LYRM4: variants seen among roughly 807,000 people sequenced by gnomAD.
LYRM4 encodes the protein LYR motif containing 4.
LYRM4 carries 9 observed loss-of-function variants against 11.7 expected under a neutral mutation model. That is an observed-to-expected ratio of 0.77 (90% CI 0.46 to 1.34). The LOEUF (loss-of-function observed/expected upper bound fraction) is 1.34. LYRM4 is among the 40% of genes most tolerant of loss of function. The pLI, the probability that LYRM4 is intolerant of heterozygous loss-of-function variation, is 0.00. For missense variants in LYRM4, 133 were observed against 112.5 expected, an observed-to-expected ratio of 1.18 and a Z score of -0.82; for synonymous variants, 42 against 40.4, an observed-to-expected ratio of 1.04 and a Z score of -0.15.
intron 1 of LYRM4, among the ~76,000 whole-genome samples, chr6:5,247,567 C>A (rs1044998201): frequency 6.6e-6 from 1 of 152,148 alleles, no homozygotes; most frequent in Non-Finnish European, 1.5e-5. Context: ...GGGAAAATAT[C>A]TGAGTGAATA....
the LYRM4 span, among the ~76,000 whole-genome samples, chr6:5,042,181 A>G: frequency 4.6e-5 from 7 of 152,190 alleles, no homozygotes; most frequent in African/African-American, 9.7e-5. Flanking sequence ...AACAGGAACT[A>G]TTGGCCTCCT....
the LYRM4 span, among the ~76,000 whole-genome samples, chr6:5,062,042 T>G: frequency 0.016 from 2,428 of 151,244 alleles, 54 homozygotes; most frequent in African/African-American, 0.055. Context: ...TAAAATACTA[T>G]TATTTTCATT....
the LYRM4 span, among the ~76,000 whole-genome samples, chr6:5,038,370 C>A: frequency 4.6e-5 from 3 of 64,606 alleles, no homozygotes; most frequent in Non-Finnish European, 1.1e-4. Flanking sequence ...GATGGGATGG[C>A]GGCCGGGCAG....
intron 2 of LYRM4, among the ~76,000 whole-genome samples, chr6:5,114,698 C>T (rs1038375135): frequency 6.6e-6 from 1 of 151,640 alleles, no homozygotes. Context: ...TTGTCTTGGG[C>T]CACACATAAA....
the LYRM4 span, among the ~76,000 whole-genome samples, chr6:5,071,324 A>G: frequency 6.6e-6 from 1 of 152,220 alleles, no homozygotes; most frequent in African/African-American, 2.4e-5. Flanking sequence ...AAAGTCATAT[A>G]CAATGATATC....
chr6:5,153,868 G>C (rs1382432540), intron 2 of LYRM4, among the ~76,000 whole-genome samples: 1 of 152,130 alleles, frequency 6.6e-6, no homozygotes, highest in African/African-American at 2.4e-5. Flanking sequence ...AGCAAACAGA[G>C]AGCCCGTCCC....
intron 2 of LYRM4, chr6:5,113,177 A>G (rs995879844): frequency 1.5e-5 from 5 of 328,168 alleles, no homozygotes; most frequent in Non-Finnish European, 3.1e-5. Flanking sequence ...GCTTACGCCT[A>G]TAATTCCAGC....
At chr6:5,195,655 A>G (rs1055913007) in intron 2 of LYRM4, among the ~76,000 whole-genome samples, 3 of 151,924 alleles carry the variant, frequency 2.0e-5, no homozygotes, top group African/African-American at 7.3e-5. Context: ...AAACAAAACA[A>G]AGAACCCCCA....
the LYRM4 span, chr6:5,054,251 T>A: frequency 4.3e-6 from 1 of 231,704 alleles, no homozygotes; most frequent in African/African-American, 2.3e-5. Context: ...CTTCCACATA[T>A]GTTCCTGATT....
intron 2 of LYRM4, among the ~76,000 whole-genome samples, chr6:5,115,139 T>C (rs767508072): frequency 1.3e-5 from 2 of 152,234 alleles, no homozygotes; most frequent in Non-Finnish European, 2.9e-5. Flanking sequence ...ATTTAGACTG[T>C]TTCCACTTAA....
chr6:5,209,427 T>A (rs1239585413), intron 2 of LYRM4, among the ~76,000 whole-genome samples: 1 of 152,232 alleles, frequency 6.6e-6, no homozygotes, highest in Non-Finnish European at 1.5e-5. Flanking sequence ...TACATTTTTA[T>A]TGCACCCAGC....
the LYRM4 span, chr6:5,085,603 G>A: frequency 3.2e-5 from 49 of 1,547,136 alleles, 2 homozygotes; most frequent in Middle Eastern, 2.3e-3. Flanking sequence ...GGGTGGCGGC[G>A]ACGGCGGTGG....
chr6:5,228,985 C>T (rs71557547), intron 1 of LYRM4, among the ~76,000 whole-genome samples: 13 of 123,326 alleles, frequency 1.1e-4, no homozygotes, highest in South Asian at 1.0e-3. Context: ...GCCTGGGCGA[C>T]GGAGCGAGGC....
At chr6:5,241,766 G>A (rs894524985) in intron 1 of LYRM4, among the ~76,000 whole-genome samples, 5 of 152,122 alleles carry the variant, frequency 3.3e-5, no homozygotes, top group African/African-American at 7.2e-5. Flanking sequence ...AATATGGTTC[G>A]CAGGCATATG....
At position 5,144,371 on chromosome 6, in the gene LYRM4, C is replaced by A; in HGVS notation, c.208-34880G>T. The A allele has an allele frequency of 3.9e-6, 5 of 1,270,516 alleles. No individual in the cohort carries two copies. In the East Asian group the frequency reaches 1.0e-4, roughly 26 times the overall value. The allele number at this position is 1,270,516 out of a possible 1,614,324, so 78.7% of individuals were successfully genotyped here. A position where few individuals can be genotyped will look rare whatever the true frequency, so the allele number is the denominator to read the frequency against. The stretch of plus-strand genomic sequence containing the variant: ...TGTCAGGTGAGGCCGGGTGCGGTGG[C>A]TGAAGCCTGTAATTCCAGCACTTTG... On this transcript the variant is annotated intron_variant, in intron 2 of 2. Transcript: ENST00000330636.
chr6:5,096,482 G>A, the LYRM4 span, among the ~76,000 whole-genome samples: 1 of 152,098 alleles, frequency 6.6e-6, no homozygotes, highest in Non-Finnish European at 1.5e-5. Flanking sequence ...GAGCAAGACT[G>A]TTTCAAAAAA....
At chr6:5,127,833 ATTTT>A (rs1403361983) in intron 2 of LYRM4, among the ~76,000 whole-genome samples, 1 of 152,042 alleles carries the variant, frequency 6.6e-6, no homozygotes, top group Admixed American at 6.6e-5. Flanking sequence ...ATTTTTATTT[ATTTT>A]TAGTGGGTTT....
At chr6:5,044,954 A>T in the LYRM4 span, among the ~76,000 whole-genome samples, 4 of 152,344 alleles carry the variant, frequency 2.6e-5, no homozygotes, top group African/African-American at 9.6e-5. Flanking sequence ...TCCTAGTGAC[A>T]CTAAGTCAGG....
At chr6:5,214,119 C>T (rs139340898) in intron 2 of LYRM4, among the ~76,000 whole-genome samples, 7 of 152,174 alleles carry the variant, frequency 4.6e-5, no homozygotes, top group Admixed American at 3.3e-4. Flanking sequence ...TGGCCCCTGC[C>T]GTCTTGCAGA....
Sources: allele counts gnomAD v4.1 joint callset (sites outside exome capture counted in the v4.1 genomes callset), GRCh38; gene constraint gnomAD v4.1.1; transcripts MANE v1.5; gene names NCBI Gene and HGNC (gene_info 2026-07-23, HGNC 2026-07-21).